Variants in ADAMTS3 observed in about 807,000 individuals in gnomAD.
ADAMTS3 encodes ADAM metallopeptidase with thrombospondin type 1 motif 3, also known as A disintegrin and metalloproteinase with thrombospondin motifs 3.
ADAMTS3 carries 73 observed loss-of-function variants against 129.0 expected under a neutral mutation model. The ratio of observed to expected loss-of-function variants is 0.57; its 90% CI spans 0.47 to 0.69. ADAMTS3 has a LOEUF of 0.69. Among genes scored for constraint, ADAMTS3 ranks in the 30% least tolerant of loss-of-function variants. The pLI is 0.00. For synonymous variants in ADAMTS3, 477 were observed against 510.8 expected (o/e 0.93, Z 0.89); for missense variants, 1,457 against 1,514.5 (o/e 0.96, Z 0.63).
rs1720280487 is a variant in ADAMTS3 at position 72,510,379 on chromosome 4, C to CTTAG, written c.504+38098_504+38099insCTAA. 2.6e-5 allele frequency among the ~76,000 whole-genome samples: 4 copies of CTTAG among 152,002 alleles called. No homozygotes were observed. In the South Asian group the frequency reaches 8.3e-4, roughly 32 times the overall value. ...GATGTTATATTTGGAAAAACCTAAA[C>CTTAG]ACTCCACCAAAAAACTATTAGAAAT... On this transcript the variant is annotated intron_variant, in intron 3 of 21. Coordinates refer to ENST00000286657, the MANE Select transcript of ADAMTS3 (RefSeq NM_014243.3).
intron 19 of ADAMTS3, among the ~76,000 whole-genome samples, chr4:72,293,118 A>C (rs748233350): frequency 6.6e-6 from 1 of 152,232 alleles, no homozygotes; most frequent in African/African-American, 2.4e-5. Context: ...CTAACTCAGC[A>C]GATCTAAGAA....
At chr4:72,397,576 C>G (rs1578644098) in intron 4 of ADAMTS3, among the ~76,000 whole-genome samples, 1 of 151,942 alleles carries the variant, frequency 6.6e-6, no homozygotes, top group South Asian at 2.1e-4. Context: ...CACACACACA[C>G]ACACACACAC....
At chr4:72,324,554 C>T (rs1719651139) in intron 5 of ADAMTS3, among the ~76,000 whole-genome samples, 1 of 152,134 alleles carries the variant, frequency 6.6e-6, no homozygotes, top group African/African-American at 2.4e-5. Context: ...TACACACATA[C>T]ATTTATACAT....
chr4:72,354,491 G>A (rs549281601), intron 4 of ADAMTS3, among the ~76,000 whole-genome samples: 1 of 152,078 alleles, frequency 6.6e-6, no homozygotes, highest in Non-Finnish European at 1.5e-5. Context: ...TGTCTCTTCA[G>A]GTGGTCCTTT....
At chr4:72,477,390 C>T (rs576989637) in intron 3 of ADAMTS3, among the ~76,000 whole-genome samples, 1 of 152,162 alleles carries the variant, frequency 6.6e-6, no homozygotes, top group Non-Finnish European at 1.5e-5. Context: ...AAGAAACTCA[C>T]TCAAAAGCGC....
At chr4:72,317,729 T>G (rs1719436522) in intron 10 of ADAMTS3, among the ~76,000 whole-genome samples, 1 of 152,112 alleles carries the variant, frequency 6.6e-6, no homozygotes, top group Non-Finnish European at 1.5e-5. Context: ...CCCAAGTTTA[T>G]ATATTTAAAA....
intron 4 of ADAMTS3, among the ~76,000 whole-genome samples, chr4:72,364,240 C>T (rs565354862): frequency 7.2e-5 from 11 of 151,854 alleles, no homozygotes; most frequent in Admixed American, 4.6e-4. Flanking sequence ...AGAGAAAAAA[C>T]GACAATAGAA....
chr4:72,489,227 T>C (rs1032312814), intron 3 of ADAMTS3, among the ~76,000 whole-genome samples: 1 of 152,006 alleles, frequency 6.6e-6, no homozygotes, highest in Non-Finnish European at 1.5e-5. Flanking sequence ...GCAATGAATA[T>C]GAAAGTGCAG....
intron 4 of ADAMTS3, among the ~76,000 whole-genome samples, chr4:72,381,327 C>T (rs1721284163): frequency 6.6e-6 from 1 of 152,112 alleles, no homozygotes; most frequent in African/African-American, 2.4e-5. Context: ...GAACTGAATG[C>T]CTAATCAATG....
chr4:72,397,306 C>T (rs1240600559), intron 4 of ADAMTS3, among the ~76,000 whole-genome samples: 2 of 151,916 alleles, frequency 1.3e-5, no homozygotes, highest in African/African-American at 2.4e-5. Flanking sequence ...TGGCTCACAC[C>T]GTAATCCTAG....
At chr4:72,525,213 AC>A (rs1415780819) in intron 3 of ADAMTS3, among the ~76,000 whole-genome samples, 1 of 152,156 alleles carries the variant, frequency 6.6e-6, no homozygotes, top group East Asian at 1.9e-4. Context: ...AAGGGTCAAA[AC>A]AGGTAGAGCC....
intron 3 of ADAMTS3, among the ~76,000 whole-genome samples, chr4:72,536,729 A>G (rs1286264752): frequency 6.6e-6 from 1 of 152,198 alleles, no homozygotes; most frequent in East Asian, 1.9e-4. Flanking sequence ...ACTGTGATCA[A>G]TCCCAACATG....
At chr4:72,454,546 G>T (rs1560521375) in intron 3 of ADAMTS3, among the ~76,000 whole-genome samples, 1 of 151,686 alleles carries the variant, frequency 6.6e-6, no homozygotes, top group Non-Finnish European at 1.5e-5. Flanking sequence ...GATGGTACAT[G>T]CTTGGCACAT....
intron 10 of ADAMTS3, 151 bp from the exon 11 acceptor site, chr4:72,316,122 A>C (rs1251554693): frequency 2.3e-6 from 1 of 428,194 alleles, no homozygotes; most frequent in Non-Finnish European, 4.2e-6. Context: ...AAAAAACTGC[A>C]TAAGAATTTC....
chr4:72,536,118 A>G (rs1721179264), intron 3 of ADAMTS3, among the ~76,000 whole-genome samples: 1 of 152,210 alleles, frequency 6.6e-6, no homozygotes, highest in Non-Finnish European at 1.5e-5. Context: ...TCGTAATGAC[A>G]ACAGCAATAA....
intron 2 of ADAMTS3, among the ~76,000 whole-genome samples, chr4:72,561,962 A>ATTAT (rs1417525350): frequency 3.3e-5 from 5 of 152,338 alleles, no homozygotes; most frequent in African/African-American, 1.2e-4. Flanking sequence ...GGAGGTATAA[A>ATTAT]TTATATGTGG....
chr4:72,303,261 C>T (rs1718998032), intron 17 of ADAMTS3, among the ~76,000 whole-genome samples: 2 of 151,994 alleles, frequency 1.3e-5, no homozygotes, highest in South Asian at 2.1e-4. Flanking sequence ...ACTTGCAAAC[C>T]AGCTGAGGCC....
chr4:72,461,289 A>C (rs1560524684), intron 3 of ADAMTS3, among the ~76,000 whole-genome samples: 1 of 151,772 alleles, frequency 6.6e-6, no homozygotes. Flanking sequence ...GAGTAGAAAG[A>C]AATAGAGTGG....
Position 72,568,822 on chromosome 4 carries a change from C to T in ADAMTS3, c.-60G>A. ...AGCAAATGCCCAGAGCAAACCCACC[C>T]CCCCCGCCCAAAATAAGTTTCTTTA... On this transcript the variant is annotated 5_prime_UTR_variant, in exon 1 of 22. Transcript: ENST00000286657. 3.4e-6 allele frequency: 4 copies of T among 1,181,902 alleles called. No homozygotes were observed. The highest frequency in any genetic ancestry group is 4.7e-6 in the Non-Finnish European group (4 of 847,278). The allele number at this position is 1,181,902 out of a possible 1,614,324, so 73.2% of individuals were successfully genotyped here. A position where few individuals can be genotyped will look rare whatever the true frequency, so the allele number is the denominator to read the frequency against.
Sources: gnomAD v4.1 joint callset for allele counts (sites outside exome capture counted in the v4.1 genomes callset) on GRCh38, gnomAD v4.1.1 for gene constraint, MANE v1.5 for transcripts, NCBI Gene and HGNC (gene_info 2026-07-23, HGNC 2026-07-21) for gene names.